USP7: variants seen among roughly 807,000 people sequenced by gnomAD.
The protein encoded by USP7 is ubiquitin C-terminal hydrolase 7.
USP7 carries 9 observed loss-of-function variants against 162.9 expected under a neutral mutation model. That is an observed-to-expected ratio of 0.06 (90% CI 0.03 to 0.10). The LOEUF is 0.10. Among genes scored for constraint, USP7 ranks in the 10% least tolerant of loss-of-function variants. USP7 has a pLI of 1.00. For synonymous variants in USP7, 562 were observed against 475.9 expected (o/e 1.18, Z -2.35); for missense variants, 715 against 1,373.7 (o/e 0.52, Z 7.58).
At chr16:8,944,314 C>T (rs928917307) in intron 1 of USP7, among the ~76,000 whole-genome samples, 9 of 151,924 alleles carry the variant, frequency 5.9e-5, no homozygotes, top group African/African-American at 1.7e-4. Context: ...AACAGCTGCC[C>T]GCCTGGAGTC....
chr16:8,962,535 T>C (rs189859882), intron 1 of USP7: 6 of 445,260 alleles, frequency 1.3e-5, no homozygotes, highest in Admixed American at 7.3e-5. Context: ...TTTCGCACGG[T>C]TGCAAGCGCA....
Position 8,912,840 on chromosome 16 carries a change from T to G in USP7, c.1079-2013A>C, listed in dbSNP as rs1415803084. On this transcript the variant is annotated intron_variant, in intron 10 of 30. Coordinates refer to ENST00000344836, the MANE Select transcript of USP7 (RefSeq NM_003470.3). ...CATTTAAAAAAAATCCAAGTCAAACTTCTAAAAATAAAAAAAAATTTAAAA... is the reference window on the plus strand; with the variant it reads ...CATTTAAAAAAAATCCAAGTCAAACGTCTAAAAATAAAAAAAAATTTAAAA... Among the ~76,000 whole-genome samples, 6 of 151,018 alleles carry G rather than the reference T, an allele frequency of 4.0e-5. 1 individual carries two copies. Among genetic ancestry groups the G allele is most frequent in the Non-Finnish European group, 4.4e-5 (3 of 67,654 alleles).
intron 25 of USP7, 178 bp from the exon 26 acceptor site, chr16:8,897,277 C>A (rs1253839952): frequency 3.3e-6 from 2 of 600,426 alleles, no homozygotes; most frequent in Non-Finnish European, 5.9e-6. Context: ...AGTGAGGACA[C>A]TGGCCCTAAT....
rs1310117122 is a variant in USP7 at position 8,917,097 on chromosome 16, T to C, written c.780A>G (p.Leu260=). 1.2e-6 allele frequency: 2 copies of C among 1,613,746 alleles called. No homozygotes were observed. Among genetic ancestry groups the C allele is most frequent in the Non-Finnish European group, 1.7e-6 (2 of 1,179,948 alleles). ...DDSSKSVPLA[L]QRVFYELQHS... ...GCTGTAATTCATAGAACACTCTTTG[T>C]AATGCTAAAGGGACGCTTTTAGACG... The change falls in exon 7 of 31, where the codon TTA becomes TTG. Residue 260 remains leucine (L), a synonymous_variant. Transcript: ENST00000344836.
chr16:8,896,137 CTTTTTTTTTT>C (rs60467243), intron 26 of USP7, among the ~76,000 whole-genome samples: 2 of 126,138 alleles, frequency 1.6e-5, no homozygotes, highest in African/African-American at 5.9e-5. Context: ...CCATGCCCAG[CTTTTTTTTTT>C]TTTTTTTTTT....
At chr16:8,939,679 T>G (rs936100335) in intron 1 of USP7, among the ~76,000 whole-genome samples, 1 of 152,272 alleles carries the variant, frequency 6.6e-6, no homozygotes, top group African/African-American at 2.4e-5. Context: ...AATGTTCATA[T>G]GTACATATCA....
At chr16:8,940,864 T>C (rs972925933) in intron 1 of USP7, among the ~76,000 whole-genome samples, 6 of 152,126 alleles carry the variant, frequency 3.9e-5, no homozygotes, top group East Asian at 1.9e-4. Flanking sequence ...GAATCACTTA[T>C]ATACAGTGTC....
chr16:8,901,013 C>G lies in USP7; in HGVS notation c.2185G>C (p.Asp729His). 1 of 1,614,082 alleles carries G rather than the reference C, an allele frequency of 6.2e-7. No individual in the cohort carries two copies. Among genetic ancestry groups the G allele is most frequent in the Non-Finnish European group, 8.5e-7 (1 of 1,179,998 alleles). ...ACCTCATAGAGGATAAGGCTAGTATCTTGAATAAATCCTGCTCTGTCACAC... is the reference window on the plus strand; with the variant it reads ...ACCTCATAGAGGATAAGGCTAGTATGTTGAATAAATCCTGCTCTGTCACAC... ...VMCDRAGFIQ[D>H]TSLILYEEVK... The change falls in exon 20 of 31, where the codon GAT becomes CAT. Residue 729 changes from aspartate to histidine, a missense_variant. Physicochemically the swap from Asp to His is moderately conservative, Grantham distance 81. Coordinates refer to ENST00000344836, the MANE Select transcript of USP7 (RefSeq NM_003470.3).
At chr16:8,948,048 C>G (rs553661083) in intron 1 of USP7, among the ~76,000 whole-genome samples, 2 of 152,224 alleles carry the variant, frequency 1.3e-5, no homozygotes, top group African/African-American at 2.4e-5. Flanking sequence ...CACCACCTCT[C>G]GAAGACTGCA....
chr16:8,945,167 T>C (rs2141254150), intron 1 of USP7, among the ~76,000 whole-genome samples: 1 of 152,058 alleles, frequency 6.6e-6, no homozygotes, highest in East Asian at 1.9e-4. Flanking sequence ...GAGGTTGTAG[T>C]GAGCCGAGAT....
chr16:8,952,121 G>T (rs1899582460), intron 1 of USP7, among the ~76,000 whole-genome samples: 1 of 152,128 alleles, frequency 6.6e-6, no homozygotes, highest in Non-Finnish European at 1.5e-5. Flanking sequence ...CAGGTGTGGT[G>T]TGCCTGTAGT....
At chr16:8,933,697 CT>C (rs1341072463) in intron 1 of USP7, among the ~76,000 whole-genome samples, 1 of 152,042 alleles carries the variant, frequency 6.6e-6, no homozygotes. Context: ...CAATCCACCC[CT>C]CTCAGTCTCC....
At chr16:8,960,708 C>T (rs1177144618) in intron 1 of USP7, among the ~76,000 whole-genome samples, 1 of 152,210 alleles carries the variant, frequency 6.6e-6, no homozygotes, top group African/African-American at 2.4e-5. Context: ...TGAAGCCAAC[C>T]AGAGTCCACT....
intron 26 of USP7, among the ~76,000 whole-genome samples, chr16:8,896,724 G>A (rs112777575): frequency 1.7e-3 from 253 of 152,288 alleles, no homozygotes; most frequent in African/African-American, 5.7e-3. Context: ...AGATACAAGG[G>A]GAAGGAGGAA....
intron 11 of USP7, among the ~76,000 whole-genome samples, chr16:8,910,485 G>A (rs1175302770): frequency 6.6e-6 from 1 of 152,104 alleles, no homozygotes; most frequent in African/African-American, 2.4e-5. Context: ...GGTGAGGAAC[G>A]GGGAAAGGAC....
At chr16:8,955,704 C>CAAAAAAAAA (rs58029349) in intron 1 of USP7, among the ~76,000 whole-genome samples, 6 of 101,020 alleles carry the variant, frequency 5.9e-5, no homozygotes, top group Non-Finnish European at 7.8e-5. Context: ...GATTCCATCT[C>CAAAAAAAAA]AAAAAAAAAA....
At chr16:8,903,431 G>T (rs1208529348) in intron 15 of USP7, 29 bp from the exon 16 acceptor site, 1 of 1,604,334 alleles carries the variant, frequency 6.2e-7, no homozygotes, top group South Asian at 1.1e-5. Flanking sequence ...GCACAGAAAA[G>T]ACTTGACAAC....
intron 16 of USP7, among the ~76,000 whole-genome samples, 169 bp from the exon 17 acceptor site, chr16:8,902,651 A>G (rs867487150): frequency 2.5e-4 from 38 of 152,176 alleles, no homozygotes; most frequent in African/African-American, 8.9e-4. Flanking sequence ...GCACTTTCGG[A>G]GGCCGAGGCA....
intron 1 of USP7, among the ~76,000 whole-genome samples, chr16:8,948,933 C>G (rs1475778836): frequency 2.0e-5 from 3 of 152,084 alleles, no homozygotes; most frequent in African/African-American, 7.2e-5. Context: ...CACGGCACTC[C>G]AGCCTGGGTG....
Sources: gnomAD v4.1 joint callset for allele counts (sites outside exome capture counted in the v4.1 genomes callset) on GRCh38, gnomAD v4.1.1 for gene constraint, MANE v1.5 for transcripts, NCBI Gene and HGNC (gene_info 2026-07-23, HGNC 2026-07-21) for gene names.